The following MCTP1 variants were observed in gnomAD, a reference collection of about 807,000 sequenced individuals.
The protein encoded by MCTP1 is multiple C2 and transmembrane domain containing 1.
A neutral mutation model predicts 120.6 loss-of-function variants in MCTP1; 69 were observed. The observed-to-expected ratio is 0.57, with a 90% CI of 0.47 to 0.70. The LOEUF is 0.70. Among genes scored for constraint, MCTP1 ranks in the 30% least tolerant of loss-of-function variants. MCTP1 has a pLI of 0.00. For missense variants in MCTP1, 1,203 were observed against 1,248.8 expected (o/e 0.96, Z 0.55); for synonymous variants, 529 against 493.1 (o/e 1.07, Z -0.96).
At chr5:95,169,379 A>C (rs997310470) in intron 1 of MCTP1, among the ~76,000 whole-genome samples, 5 of 152,144 alleles carry the variant, frequency 3.3e-5, no homozygotes, top group African/African-American at 1.2e-4. Flanking sequence ...TGTTTATGCC[A>C]GGCTTTGGTA....
chr5:94,727,789 G>A (rs772979042), intron 19 of MCTP1, among the ~76,000 whole-genome samples: 10 of 152,128 alleles, frequency 6.6e-5, no homozygotes, highest in Non-Finnish European at 1.3e-4. Context: ...CTTATAAGCT[G>A]CAAAACAGTA....
Position 95,014,275 on chromosome 5 carries a change from C to A in MCTP1, c.838+3092G>T, listed in dbSNP as rs552910148. Among the ~76,000 whole-genome samples, 202 of 151,794 alleles carry A rather than the reference C, an allele frequency of 1.3e-3. 1 individual carries two copies. Among genetic ancestry groups the A allele is most frequent in the African/African-American group, 4.7e-3 (196 of 41,448 alleles). On this transcript the variant is annotated intron_variant, in intron 2 of 22. Transcript: ENST00000515393. ...CATGTCTCTAAAACAACAACAACAA[C>A]AAAAAATCCATGATTTATGAGAGGA... is the stretch of plus-strand genomic sequence containing the variant.
intron 19 of MCTP1, among the ~76,000 whole-genome samples, chr5:94,763,303 A>G (rs1277614703): frequency 6.6e-6 from 1 of 152,194 alleles, no homozygotes; most frequent in Non-Finnish European, 1.5e-5. Context: ...TGAAGAATAT[A>G]ATTCAGACTC....
At chr5:95,128,527 T>G (rs545434469) in intron 1 of MCTP1, among the ~76,000 whole-genome samples, 2 of 152,326 alleles carry the variant, frequency 1.3e-5, no homozygotes, top group South Asian at 4.1e-4. Flanking sequence ...ACAACATGGA[T>G]GAACCTTAAA....
At chr5:94,782,601 T>A (rs72775320) in intron 18 of MCTP1, among the ~76,000 whole-genome samples, 10,028 of 152,176 alleles carry the variant, frequency 0.066, 416 homozygotes, top group Non-Finnish European at 0.097. Flanking sequence ...CCCAGAGAAA[T>A]CAAATACCAC....
chr5:95,257,893 G>A (rs1758063175), intron 1 of MCTP1, among the ~76,000 whole-genome samples: 1 of 151,652 alleles, frequency 6.6e-6, no homozygotes, highest in Admixed American at 6.6e-5. Context: ...GCCTGTGCCA[G>A]AACAATCTGA....
intron 1 of MCTP1, among the ~76,000 whole-genome samples, chr5:95,171,871 CG>C (rs1388469245): frequency 1.3e-5 from 2 of 152,082 alleles, no homozygotes; most frequent in Non-Finnish European, 1.5e-5. Flanking sequence ...TCCTTTAGCT[CG>C]GAGGAGTTTA....
intron 1 of MCTP1, among the ~76,000 whole-genome samples, chr5:95,035,362 T>C (rs982512693): frequency 6.6e-6 from 1 of 152,078 alleles, no homozygotes; most frequent in Non-Finnish European, 1.5e-5. Context: ...AATGTGTACA[T>C]ATATTACATG....
At chr5:95,233,347 G>C (rs1404337803) in intron 1 of MCTP1, among the ~76,000 whole-genome samples, 1 of 142,494 alleles carries the variant, frequency 7.0e-6, no homozygotes, top group African/African-American at 2.6e-5. Flanking sequence ...TTTTTTTCTC[G>C]AGACGGAGTC....
chr5:95,173,188 A>C (rs943515166), intron 1 of MCTP1, among the ~76,000 whole-genome samples: 6 of 152,088 alleles, frequency 3.9e-5, no homozygotes, highest in Admixed American at 1.3e-4. Flanking sequence ...TTATTGACTG[A>C]CTCTTAGAGC....
chr5:95,021,027 C>T (rs1001062657), intron 1 of MCTP1, among the ~76,000 whole-genome samples: 1 of 152,040 alleles, frequency 6.6e-6, no homozygotes, highest in Non-Finnish European at 1.5e-5. Context: ...ATTATTATCG[C>T]ATTTGTATTC....
chr5:95,090,780 G>A (rs1476298492), intron 1 of MCTP1, among the ~76,000 whole-genome samples: 1 of 152,036 alleles, frequency 6.6e-6, no homozygotes, highest in Admixed American at 6.6e-5. Flanking sequence ...TCTTATCCAG[G>A]TCCATGACAC....
chr5:94,980,568 G>A (rs1357114063), intron 2 of MCTP1, among the ~76,000 whole-genome samples: 1 of 152,082 alleles, frequency 6.6e-6, no homozygotes, highest in Non-Finnish European at 1.5e-5. Flanking sequence ...GTCATAAAAT[G>A]TATGTTTAAA....
chr5:94,712,320 C>T (rs1757331296), intron 20 of MCTP1, among the ~76,000 whole-genome samples: 1 of 151,940 alleles, frequency 6.6e-6, no homozygotes, highest in Admixed American at 6.6e-5. Context: ...GACAGAAGGC[C>T]CCTAAGACAC....
chr5:95,142,796 C>T (rs1760049039), intron 1 of MCTP1, among the ~76,000 whole-genome samples: 1 of 152,028 alleles, frequency 6.6e-6, no homozygotes, highest in Admixed American at 6.6e-5. Flanking sequence ...TAGCATGAAA[C>T]CTTGATTATC....
At chr5:95,106,133 T>A (rs1268573294) in intron 1 of MCTP1, among the ~76,000 whole-genome samples, 1 of 152,230 alleles carries the variant, frequency 6.6e-6, no homozygotes, top group Admixed American at 6.5e-5. Context: ...TGGGGAACCA[T>A]CACACCACAT....
At chr5:94,746,791 C>T (rs560730606) in intron 19 of MCTP1, among the ~76,000 whole-genome samples, 2 of 152,258 alleles carry the variant, frequency 1.3e-5, no homozygotes, top group African/African-American at 4.8e-5. Context: ...AAACTGTCTA[C>T]ATTCCTTGCT....
chr5:94,790,031 G>C (rs761122099), intron 18 of MCTP1, among the ~76,000 whole-genome samples: 13 of 152,138 alleles, frequency 8.5e-5, no homozygotes, highest in Non-Finnish European at 1.2e-4. Context: ...ACAATCTGAG[G>C]AGGACCCACA....
intron 2 of MCTP1, among the ~76,000 whole-genome samples, chr5:94,968,614 G>T (rs1158752287): frequency 6.6e-6 from 1 of 152,144 alleles, no homozygotes; most frequent in Non-Finnish European, 1.5e-5. Context: ...TTAGTTTGTT[G>T]GTTCGAAAGA....
Sources: allele counts gnomAD v4.1 joint callset (sites outside exome capture counted in the v4.1 genomes callset), GRCh38; gene constraint gnomAD v4.1.1; transcripts MANE v1.5; gene names NCBI Gene and HGNC (gene_info 2026-07-23, HGNC 2026-07-21).